NPAS2: variants seen among roughly 807,000 people sequenced by gnomAD.
The protein encoded by NPAS2 is neuronal PAS domain protein 2, also known as neuronal PAS domain-containing protein 2.
In NPAS2, 23 loss-of-function variants were observed where a neutral mutation model predicts 107.5. The ratio of observed to expected loss-of-function variants is 0.21; its 90% CI spans 0.15 to 0.30. The LOEUF (loss-of-function observed/expected upper bound fraction) is 0.30. Ranked by LOEUF, NPAS2 falls within the 10% of genes least tolerant of loss-of-function variation. NPAS2 has a pLI of 1.00. For missense variants in NPAS2, 756 were observed against 1,043.3 expected (o/e 0.72, Z 3.79); for synonymous variants, 403 against 417.5 (o/e 0.97, Z 0.42).
rs6729419 is a variant in NPAS2, at chr2:100,952,394, G to A, written c.598+2914G>A. Among the ~76,000 whole-genome samples the A allele has an allele frequency of 6.5e-3, 979 of 151,436 alleles. 13 individuals carry two copies. Among genetic ancestry groups the A allele is most frequent in the African/African-American group, 0.022 (917 of 41,294 alleles). On this transcript the variant is annotated intron_variant, in intron 7 of 20. Coordinates refer to ENST00000335681, the MANE Select transcript of NPAS2 (RefSeq NM_002518.4). ...AGCCTGACCAACATGGAGAAACCCC[G>A]TCTCTACTAAAAATACAAAATTAGC...
rs1676125428 is a variant in NPAS2 at position 100,964,924 on chromosome 2, T to C, written c.781T>C (p.Phe261Leu). 1 of 1,575,820 alleles carries C rather than the reference T, an allele frequency of 6.3e-7. No homozygotes were observed. The highest frequency in any genetic ancestry group is 8.5e-7 in the Non-Finnish European group (1 of 1,169,714). ...FTSRHSLEWK[F>L]LFLDHRAPPI... is the part of the protein sequence containing the mutation. ...TTCAAGGCATAGCTTGGAATGGAAA[T>C]TTTTATTTCTGGATCACAGGTTTGA... is the stretch of plus-strand genomic sequence containing the variant. Residue 261 changes from phenylalanine to leucine, a missense_variant, in exon 9 of 21, where the codon TTT becomes CTT. This residue lies in a region of NPAS2 where 84 missense variants were observed against 175.5 expected (regional missense o/e 0.48). Transcript: ENST00000335681.
intron 7 of NPAS2, among the ~76,000 whole-genome samples, chr2:100,963,524 A>G (rs1247716692): frequency 1.3e-5 from 2 of 152,028 alleles, no homozygotes; most frequent in African/African-American, 4.8e-5. Context: ...TCAGCCTCCC[A>G]AGCAGTTGGG....
chr2:100,989,058 C>G (rs1426397758), intron 17 of NPAS2: 1 of 185,196 alleles, frequency 5.4e-6, no homozygotes, highest in East Asian at 1.8e-4. Context: ...CCACCTATTC[C>G]AAGCCACCAG....
chr2:100,937,126 A>C (rs1184236682), intron 4 of NPAS2, among the ~76,000 whole-genome samples: 1 of 152,126 alleles, frequency 6.6e-6, no homozygotes, highest in African/African-American at 2.4e-5. Flanking sequence ...AAATGCATGG[A>C]TTTTTCAGAC....
Position 100,995,999 on chromosome 2 carries a change from GGGT to G in NPAS2, c.*418_*420del. On this transcript the variant is annotated 3_prime_UTR_variant, in exon 21 of 21. Transcript: ENST00000335681. ...CTTTCCTTTGTATTGGAGAAGGACT[GGGT>G]CAGAGATCTGTTGGAGAGAGAGAAT... 8.1e-7 allele frequency: 1 copy of G among 1,228,328 alleles called. No homozygotes were observed. The highest frequency in any genetic ancestry group is 3.1e-5 in the Admixed American group (1 of 32,414). The allele number at this position is 1,228,328 out of a possible 1,614,324, so 76.1% of individuals were successfully genotyped here.
chr2:100,940,719 A>C (rs1186500953), intron 5 of NPAS2, among the ~76,000 whole-genome samples: 1 of 152,214 alleles, frequency 6.6e-6, no homozygotes, highest in Non-Finnish European at 1.5e-5. Flanking sequence ...CCAAGGTTCC[A>C]CAGCCAGACA....
chr2:100,991,645 G>A (rs562233793), intron 19 of NPAS2, among the ~76,000 whole-genome samples: 6 of 152,240 alleles, frequency 3.9e-5, no homozygotes, highest in African/African-American at 1.4e-4. Context: ...AGTAACGGCA[G>A]ATGGTTACTG....
chr2:100,960,540 G>A (rs1573727258), intron 7 of NPAS2, among the ~76,000 whole-genome samples: 1 of 151,982 alleles, frequency 6.6e-6, no homozygotes, highest in East Asian at 1.9e-4. Context: ...ATCACAGAGT[G>A]GTGATTGCCG....
intron 1 of NPAS2, among the ~76,000 whole-genome samples, chr2:100,903,168 A>G (rs1681897557): frequency 6.6e-6 from 1 of 152,226 alleles, no homozygotes; most frequent in Admixed American, 6.5e-5. Context: ...GGTAAAGAAC[A>G]CAGCGTGGCC....
intron 1 of NPAS2, among the ~76,000 whole-genome samples, chr2:100,881,241 C>T (rs967442323): frequency 6.6e-5 from 10 of 152,352 alleles, no homozygotes; most frequent in Admixed American, 3.3e-4. Context: ...AGCCTAGGAT[C>T]ATCACTGTTC....
chr2:100,995,264 T>A lies in NPAS2; in HGVS notation c.2293-136T>A, dbSNP rs2105337988. 2.4e-4 allele frequency: 123 copies of A among 505,434 alleles called. 1 individual carries two copies. The highest frequency in any genetic ancestry group is 7.6e-4 in the Middle Eastern group (2 of 2,624). 31.3% of individuals were successfully genotyped at this position (505,434 alleles called of 1,614,324 possible). ...ACCCCCAGGTCTTGCCAGAGCCACC[T>A]CTCCCCACATGACCCCCCAAGAAAG... On this transcript the variant is annotated intron_variant, in intron 20 of 20. Transcript: ENST00000335681.
chr2:100,889,527 A>G (rs528951253), intron 1 of NPAS2, among the ~76,000 whole-genome samples: 2 of 152,288 alleles, frequency 1.3e-5, no homozygotes, highest in South Asian at 4.1e-4. Context: ...TCTTCCTGAC[A>G]TTAGTTTTGT....
At chr2:100,879,138 C>T (rs1680172954) in intron 1 of NPAS2, among the ~76,000 whole-genome samples, 1 of 151,656 alleles carries the variant, frequency 6.6e-6, no homozygotes, top group East Asian at 1.9e-4. Flanking sequence ...AAAAAAAAGC[C>T]TTCTAAATAT....
chr2:100,898,501 G>C (rs1185077202), intron 1 of NPAS2, among the ~76,000 whole-genome samples: 1 of 152,160 alleles, frequency 6.6e-6, no homozygotes, highest in African/African-American at 2.4e-5. Context: ...ACAACTTTAG[G>C]AGTTAAGATA....
intron 15 of NPAS2, among the ~76,000 whole-genome samples, chr2:100,980,299 A>G (rs1005539448): frequency 6.6e-6 from 1 of 151,954 alleles, no homozygotes; most frequent in African/African-American, 2.4e-5. Context: ...ACTTCGTAGA[A>G]CCTGCCAGAG....
Position 100,968,662 on chromosome 2 carries a change from G to T in NPAS2, c.1055+234G>T, listed in dbSNP as rs948770935. Among the ~76,000 whole-genome samples, 1 of 152,164 alleles carries T rather than the reference G, an allele frequency of 6.6e-6. No homozygotes were observed. Among genetic ancestry groups the T allele is most frequent in the Admixed American group, 6.5e-5 (1 of 15,284 alleles). On this transcript the variant is annotated intron_variant, in intron 11 of 20. Coordinates refer to ENST00000335681, the MANE Select transcript of NPAS2 (RefSeq NM_002518.4). This position sits in a 1 kb window ranked among gnomAD's most constrained non-coding sequence, Gnocchi z 5.3. ...GGCTGAGACTCCTTTCAAGCTCTCAGTCAGGCCCCTTTGAACGCCTCATGG... is the reference window on the plus strand; with the variant it reads ...GGCTGAGACTCCTTTCAAGCTCTCATTCAGGCCCCTTTGAACGCCTCATGG...
intron 2 of NPAS2, among the ~76,000 whole-genome samples, chr2:100,919,018 C>T (rs763101082): frequency 1.3e-5 from 2 of 152,148 alleles, no homozygotes; most frequent in Non-Finnish European, 2.9e-5. Context: ...ATGCATAAAC[C>T]GGCTGTGGAA....
In NPAS2 at chr2:100,965,594, G is replaced by A; in HGVS notation, c.801-66G>A. The stretch of plus-strand genomic sequence containing the variant: ...CATGTTGATCATTATGGAAAGGCAT[G>A]GCCACCAGGGTGAGCCCTGCAGGGT... On this transcript the variant is annotated intron_variant, in intron 9 of 20. Transcript: ENST00000335681. The surrounding 1 kb of genome is among the most constrained non-coding windows in gnomAD (Gnocchi z 4.3). 4.1e-6 allele frequency: 4 copies of A among 985,354 alleles called. No homozygotes were observed. Among genetic ancestry groups the A allele is most frequent in the East Asian group, 5.0e-5 (2 of 39,900 alleles). The allele number at this position is 985,354 out of a possible 1,614,324, so 61.0% of individuals were successfully genotyped here.
chr2:100,901,704 T>G (rs1489465596), intron 1 of NPAS2: 1 of 224,038 alleles, frequency 4.5e-6, no homozygotes, highest in Non-Finnish European at 7.5e-6. Context: ...TGGGAAGTAA[T>G]TTCCCTCTTG....
Sources: gnomAD v4.1 joint callset for allele counts (sites outside exome capture counted in the v4.1 genomes callset) on GRCh38, gnomAD v4.1.1 for gene constraint, gnomAD v4.1.1 regional missense constraint, Gnocchi (gnomAD v3.1) non-coding constraint, MANE v1.5 for transcripts, NCBI Gene and HGNC (gene_info 2026-07-23, HGNC 2026-07-21) for gene names.